KIAA1958: variants seen among roughly 807,000 people sequenced by gnomAD.
KIAA1958 encodes the protein uncharacterized protein KIAA1958.
Under a neutral mutation model 47.2 loss-of-function variants are expected in KIAA1958, and 14 were observed. That is an observed-to-expected ratio of 0.30 (90% CI 0.20 to 0.46). The LOEUF is 0.46. Among genes scored for constraint, KIAA1958 ranks in the 20% least tolerant of loss-of-function variants. KIAA1958 has a pLI of 1.00. For synonymous variants in KIAA1958, 354 were observed against 353.3 expected (o/e 1.00, Z -0.02); for missense variants, 803 against 909.2 (o/e 0.88, Z 1.50).
chr9:112,499,391 G>A (rs1834096346), intron 1 of KIAA1958, among the ~76,000 whole-genome samples: 1 of 152,100 alleles, frequency 6.6e-6, no homozygotes, highest in African/African-American at 2.4e-5. Flanking sequence ...TTAGCTGAAG[G>A]TGCTCCCATT....
At chr9:112,519,840 G>A (rs1834507368) in intron 1 of KIAA1958, among the ~76,000 whole-genome samples, 1 of 152,144 alleles carries the variant, frequency 6.6e-6, no homozygotes, top group Non-Finnish European at 1.5e-5. Context: ...GGTATTAATT[G>A]AACCCCAGTA....
chr9:112,632,801 G>T (rs905620789), intron 2 of KIAA1958, among the ~76,000 whole-genome samples: 6 of 151,420 alleles, frequency 4.0e-5, no homozygotes, highest in Admixed American at 2.6e-4. Flanking sequence ...AAATTTTTTC[G>T]CATGTAATCA....
chr9:112,565,965 G>A (rs918368510), intron 1 of KIAA1958, among the ~76,000 whole-genome samples: 1 of 152,076 alleles, frequency 6.6e-6, no homozygotes, highest in African/African-American at 2.4e-5. Context: ...GTGCAGTGGC[G>A]CGATCTCAGC....
At chr9:112,554,043 A>G (rs568330617) in intron 1 of KIAA1958, among the ~76,000 whole-genome samples, 17 of 152,360 alleles carry the variant, frequency 1.1e-4, no homozygotes, top group South Asian at 4.1e-4. Context: ...TACTGTAAGT[A>G]GGATCAGTCT....
chr9:112,523,764 G>T (rs1003717516), intron 1 of KIAA1958, among the ~76,000 whole-genome samples: 3 of 152,196 alleles, frequency 2.0e-5, no homozygotes, highest in African/African-American at 7.2e-5. Flanking sequence ...TTTAAGACAG[G>T]ACTCAAGTAT....
intron 2 of KIAA1958, among the ~76,000 whole-genome samples, chr9:112,642,241 G>A (rs1353965174): frequency 2.0e-5 from 3 of 152,230 alleles, no homozygotes; most frequent in African/African-American, 7.2e-5. Context: ...TATGATAAGT[G>A]GCTGAAGAAG....
chr9:112,491,705 A>G (rs1478429319), intron 1 of KIAA1958, among the ~76,000 whole-genome samples: 1 of 152,154 alleles, frequency 6.6e-6, no homozygotes, highest in African/African-American at 2.4e-5. Flanking sequence ...TAACATACAC[A>G]TAACTCTTTT....
At chr9:112,509,253 A>G (rs1335661964) in intron 1 of KIAA1958, among the ~76,000 whole-genome samples, 1 of 136,666 alleles carries the variant, frequency 7.3e-6, no homozygotes, top group Admixed American at 8.2e-5. Flanking sequence ...CCTAGGCTGT[A>G]GTGTGCAATG....
chr9:112,650,236 A>G (rs1837034809), intron 3 of KIAA1958, among the ~76,000 whole-genome samples: 1 of 152,166 alleles, frequency 6.6e-6, no homozygotes, highest in South Asian at 2.1e-4. Context: ...TAAAAGACCT[A>G]CACAACAATA....
At chr9:112,592,209 A>T (rs184262700) in intron 2 of KIAA1958, among the ~76,000 whole-genome samples, 231 of 152,302 alleles carry the variant, frequency 1.5e-3, no homozygotes, top group Admixed American at 3.7e-3. Flanking sequence ...TTAAAAGTAG[A>T]AGACAAAGAA....
At chr9:112,549,913 C>T (rs1219747245) in intron 1 of KIAA1958, among the ~76,000 whole-genome samples, 1 of 152,160 alleles carries the variant, frequency 6.6e-6, no homozygotes, top group East Asian at 1.9e-4. Context: ...GTTGATAGTG[C>T]TGAGGTTGAG....
intron 2 of KIAA1958, among the ~76,000 whole-genome samples, chr9:112,597,576 C>T (rs1052729473): frequency 6.6e-6 from 1 of 152,168 alleles, no homozygotes. Context: ...CTTTATTCCT[C>T]CAAAAACTTC....
At chr9:112,555,673 G>A (rs1450859490) in intron 1 of KIAA1958, among the ~76,000 whole-genome samples, 1 of 152,222 alleles carries the variant, frequency 6.6e-6, no homozygotes, top group Non-Finnish European at 1.5e-5. Flanking sequence ...GACAGACGCT[G>A]TGCGCTCGAA....
Position 112,618,234 on chromosome 9 carries a change from A to G in KIAA1958, c.1172-27416A>G. ...GAACTCCGCTGTAAAGGAAAAGGAA[A>G]TAAGCCACACAAGTCCATGAAGCTC... is the stretch of plus-strand genomic sequence containing the variant. On this transcript the variant is annotated intron_variant, in intron 2 of 3. Transcript: ENST00000337530. This position sits in a 1 kb window ranked among gnomAD's most constrained non-coding sequence, Gnocchi z 7.1. The G allele has an allele frequency of 6.4e-7, 1 of 1,550,732 alleles. No individual in the cohort carries two copies. Among genetic ancestry groups the G allele is most frequent in the Non-Finnish European group, 8.7e-7 (1 of 1,147,020 alleles).
chr9:112,509,131 T>A (rs1451540076), intron 1 of KIAA1958, among the ~76,000 whole-genome samples: 2 of 151,728 alleles, frequency 1.3e-5, no homozygotes, highest in Non-Finnish European at 2.9e-5. Flanking sequence ...AGAAAGCTTA[T>A]CACAGAGAAG....
chr9:112,625,315 C>T (rs1588044986), intron 2 of KIAA1958, among the ~76,000 whole-genome samples: 1 of 152,028 alleles, frequency 6.6e-6, no homozygotes, highest in Non-Finnish European at 1.5e-5. Context: ...TCCTGCCTGA[C>T]TAATTTTTAA....
intron 1 of KIAA1958, among the ~76,000 whole-genome samples, chr9:112,518,647 A>G (rs1204930686): frequency 6.6e-6 from 1 of 152,158 alleles, no homozygotes; most frequent in African/African-American, 2.4e-5. Context: ...TTTTCTAATC[A>G]TGGTGATGGT....
intron 2 of KIAA1958, among the ~76,000 whole-genome samples, chr9:112,580,749 T>C (rs1835722025): frequency 1.3e-5 from 2 of 151,468 alleles, no homozygotes; most frequent in Admixed American, 6.6e-5. Context: ...ATTGTGCCAC[T>C]GCACTCCAGC....
intron 2 of KIAA1958, among the ~76,000 whole-genome samples, chr9:112,625,101 G>C (rs1206295848): frequency 6.6e-6 from 1 of 152,120 alleles, no homozygotes; most frequent in Non-Finnish European, 1.5e-5. Context: ...AGGTGTGCTA[G>C]CTGGAAAATA....
Sources: gnomAD v4.1 joint callset for allele counts (sites outside exome capture counted in the v4.1 genomes callset) on GRCh38, gnomAD v4.1.1 for gene constraint, Gnocchi (gnomAD v3.1) non-coding constraint, MANE v1.5 for transcripts, NCBI Gene and HGNC (gene_info 2026-07-23, HGNC 2026-07-21) for gene names.